THADA: variants seen among roughly 807,000 people sequenced by gnomAD.
THADA encodes tRNA (32-2'-O)-methyltransferase regulator THADA.
In THADA, 213 loss-of-function variants were observed where a neutral mutation model predicts 219.8. That is an observed-to-expected ratio of 0.97 (90% confidence interval 0.87 to 1.09). The LOEUF (loss-of-function observed/expected upper bound fraction) is 1.09, where lower values mean the gene tolerates loss of function less well. THADA is among the 50% of genes least tolerant of loss of function. THADA has a pLI of 0.00. For missense variants in THADA, 2,956 were observed against 2,311.3 expected (o/e 1.28, Z -5.72); for synonymous variants, 1,018 against 828.9 (o/e 1.23, Z -3.92).
At position 43,373,258 on chromosome 2, in the gene THADA, T is replaced by A. The variant is rs75014979; in HGVS notation, c.4227+24713A>T. On this transcript the variant is annotated intron_variant, in intron 29 of 37. Coordinates refer to ENST00000405975, the MANE Select transcript of THADA (RefSeq NM_022065.5). ...TACAATATATAACACACAGTTTAAA[T>A]CATAAATGATGTTCAAGAATTAAAA... is the stretch of plus-strand genomic sequence containing the variant. Among the ~76,000 whole-genome samples, 876 of 152,286 alleles carry A rather than the reference T, an allele frequency of 5.8e-3. 3 individuals are homozygous for A. The highest frequency in any genetic ancestry group is 0.018 in the African/African-American group (758 of 41,548).
intron 26 of THADA, among the ~76,000 whole-genome samples, chr2:43,438,775 GTA>G (rs1680473010): frequency 6.6e-6 from 1 of 152,158 alleles, no homozygotes; most frequent in Non-Finnish European, 1.5e-5. Context: ...ACTGAACTGT[GTA>G]TATACTATGC....
chr2:43,451,188 G>A (rs1399191393), intron 26 of THADA, among the ~76,000 whole-genome samples: 1 of 152,160 alleles, frequency 6.6e-6, no homozygotes, highest in Non-Finnish European at 1.5e-5. Flanking sequence ...GCAGGATTGA[G>A]GCAAGTGATC....
chr2:43,375,884 C>T (rs1573343992), intron 29 of THADA, among the ~76,000 whole-genome samples: 3 of 152,126 alleles, frequency 2.0e-5, no homozygotes, highest in Admixed American at 6.5e-5. Context: ...AGGAATAAAA[C>T]AAAGCACAAA....
intron 22 of THADA, among the ~76,000 whole-genome samples, chr2:43,523,878 T>C (rs1574075971): frequency 6.6e-6 from 1 of 152,218 alleles, no homozygotes; most frequent in Non-Finnish European, 1.5e-5. Flanking sequence ...TAATCAATGA[T>C]TTTATCCCCT....
At chr2:43,570,573 G>C (rs1259608902) in intron 13 of THADA, 63 bp from the exon 14 acceptor site, 2 of 1,520,478 alleles carry the variant, frequency 1.3e-6, no homozygotes, top group Non-Finnish European at 1.8e-6. Context: ...GTCAGCCTGA[G>C]AGGCAAATTA....
At chr2:43,448,026 T>C (rs993739901) in intron 26 of THADA, among the ~76,000 whole-genome samples, 5 of 152,218 alleles carry the variant, frequency 3.3e-5, no homozygotes, top group Admixed American at 6.5e-5. Flanking sequence ...TCCAAGGCAA[T>C]TGTTTTTCCA....
chr2:43,274,787 C>T lies in THADA; in HGVS notation c.5296+4978G>A, dbSNP rs565234099. Among the ~76,000 whole-genome samples the T allele has an allele frequency of 2.6e-5, 4 of 151,940 alleles. No individual in the cohort carries two copies. The South Asian group carries it at 6.2e-4, about 24-fold the overall frequency. ...GTATTCCAAGAAAAAGAGCCACAGC[C>T]GATCTGCCTGCTTGCCTACCCACTA... On this transcript the variant is annotated intron_variant, in intron 36 of 37. Transcript: ENST00000405975.
At chr2:43,573,985 T>C (rs573450699) in intron 11 of THADA, among the ~76,000 whole-genome samples, 10 of 152,374 alleles carry the variant, frequency 6.6e-5, no homozygotes, top group African/African-American at 2.4e-4. Flanking sequence ...TTTTTAATTA[T>C]TGTCTCAATG....
intron 21 of THADA, among the ~76,000 whole-genome samples, chr2:43,537,237 C>G (rs1349276280): frequency 6.6e-6 from 1 of 152,228 alleles, no homozygotes; most frequent in Non-Finnish European, 1.5e-5. Context: ...TGCTTTCTAG[C>G]AAATTCTTAA....
At chr2:43,524,445 G>C (rs1395415712) in intron 22 of THADA, among the ~76,000 whole-genome samples, 2 of 152,278 alleles carry the variant, frequency 1.3e-5, no homozygotes, top group Non-Finnish European at 2.9e-5. Flanking sequence ...TAACACAGCT[G>C]TAGTTCAAGA....
At chr2:43,340,452 A>T (rs907258963) in intron 30 of THADA, among the ~76,000 whole-genome samples, 1 of 152,236 alleles carries the variant, frequency 6.6e-6, no homozygotes, top group African/African-American at 2.4e-5. Flanking sequence ...TAAAGACTGA[A>T]TTGGTTATCC....
At chr2:43,366,657 T>A (rs1365806723) in intron 29 of THADA, among the ~76,000 whole-genome samples, 1 of 152,238 alleles carries the variant, frequency 6.6e-6, no homozygotes, top group Non-Finnish European at 1.5e-5. Flanking sequence ...AGGTTCCCAA[T>A]GAAGTTACCA....
At chr2:43,348,633 G>A (rs147848552) in intron 29 of THADA, among the ~76,000 whole-genome samples, 4 of 152,224 alleles carry the variant, frequency 2.6e-5, no homozygotes, top group African/African-American at 4.8e-5. Context: ...GAGCTTCTGC[G>A]GGCTGCAGAG....
At chr2:43,360,914 C>T (rs369231952) in intron 29 of THADA, among the ~76,000 whole-genome samples, 1 of 152,202 alleles carries the variant, frequency 6.6e-6, no homozygotes, top group East Asian at 1.9e-4. Flanking sequence ...CTTTAATCCT[C>T]AGGCTAGGAG....
At chr2:43,264,002 T>C (rs1257510910) in intron 36 of THADA, among the ~76,000 whole-genome samples, 2 of 152,208 alleles carry the variant, frequency 1.3e-5, no homozygotes, top group East Asian at 3.8e-4. Context: ...AGTGGGTTTT[T>C]AGTTCCCTGA....
chr2:43,531,189 T>C (rs1294597636), intron 21 of THADA, among the ~76,000 whole-genome samples: 1 of 152,170 alleles, frequency 6.6e-6, no homozygotes, highest in African/African-American at 2.4e-5. Flanking sequence ...TTCCAAAAAA[T>C]GAAAGATCCT....
rs1478923285 is a variant in THADA, at chr2:43,574,608, C to G, written c.1457G>C (p.Gly486Ala). Residue 486 changes from glycine (G) to alanine (A), a missense_variant, in exon 11 of 38, where the codon GGA (glycine) becomes GCA (alanine). Physicochemically the swap from Gly to Ala is moderately conservative, Grantham distance 60 (BLOSUM62 0). Coordinates refer to ENST00000405975, the MANE Select transcript of THADA (RefSeq NM_022065.5). The stretch of plus-strand genomic sequence containing the variant: ...TGCATAAGGTACCAATGACTGGTCT[C>G]CCATCACCTCTAAGATTTGAGATGG... ...TIPSQILEVM[G>A]DQSLVPYASD... is the part of the protein sequence containing the mutation. 6.8e-6 allele frequency: 11 copies of G among 1,613,874 alleles called. No homozygotes were observed. The African/African-American group carries it at 1.1e-4, about 16-fold the overall frequency.
At chr2:43,414,965 C>T (rs953439771) in intron 28 of THADA, among the ~76,000 whole-genome samples, 3 of 152,166 alleles carry the variant, frequency 2.0e-5, no homozygotes, top group Non-Finnish European at 4.4e-5. Context: ...ATGGAAAACA[C>T]GATGCCATGC....
intron 14 of THADA, 50 bp downstream of exon 14, chr2:43,570,338 T>C (rs376802632): frequency 1.5e-5 from 23 of 1,509,404 alleles, no homozygotes; most frequent in South Asian, 1.1e-4. Flanking sequence ...TTATTCATAA[T>C]ACTTTTTAAT....
Sources: gnomAD v4.1 joint callset for allele counts (sites outside exome capture counted in the v4.1 genomes callset) on GRCh38, gnomAD v4.1.1 for gene constraint, MANE v1.5 for transcripts, NCBI Gene and HGNC (gene_info 2026-07-23, HGNC 2026-07-21) for gene names.